The following LUZP2 variants were observed in gnomAD, a reference collection of about 807,000 sequenced individuals.
LUZP2 encodes leucine zipper protein 2.
Under a neutral mutation model 51.6 loss-of-function variants are expected in LUZP2, and 52 were observed. The ratio of observed to expected loss-of-function variants is 1.01; its 90% CI spans 0.81 to 1.27. The LOEUF (loss-of-function observed/expected upper bound fraction) is 1.27, where lower values mean the gene tolerates loss of function less well. LUZP2 is among the 50% of genes most tolerant of loss of function. The probability of loss-of-function intolerance (pLI) is 0.00; values close to 1 mark genes in which losing one functional copy is unlikely to be tolerated. For synonymous variants in LUZP2, 154 were observed against 137.3 expected (o/e 1.12, Z -0.85); for missense variants, 436 against 395.4 (o/e 1.10, Z -0.87).
intron 7 of LUZP2, among the ~76,000 whole-genome samples, chr11:24,921,401 C>A (rs1338971945): frequency 6.6e-6 from 1 of 152,000 alleles, no homozygotes; most frequent in Non-Finnish European, 1.5e-5. Flanking sequence ...TGAGGGTCGC[C>A]ATGATGTTCT....
chr11:24,582,120 A>C (rs1303146516), intron 1 of LUZP2, among the ~76,000 whole-genome samples: 1 of 152,178 alleles, frequency 6.6e-6, no homozygotes, highest in East Asian at 1.9e-4. Context: ...AGAATAAGCA[A>C]GTTCTGATTT....
intron 5 of LUZP2, among the ~76,000 whole-genome samples, chr11:24,857,646 A>T (rs1406180538): frequency 6.6e-6 from 1 of 151,786 alleles, no homozygotes; most frequent in East Asian, 1.9e-4. Flanking sequence ...TACCTGGTAC[A>T]GTGTGAACGC....
intron 1 of LUZP2, among the ~76,000 whole-genome samples, chr11:24,589,856 C>G (rs574802876): frequency 6.6e-6 from 1 of 152,032 alleles, no homozygotes; most frequent in Non-Finnish European, 1.5e-5. Flanking sequence ...TGATCCCAAA[C>G]GGAACATTTT....
At chr11:25,037,008 T>G (rs1055863588) in intron 9 of LUZP2, among the ~76,000 whole-genome samples, 2 of 152,134 alleles carry the variant, frequency 1.3e-5, no homozygotes, top group African/African-American at 4.8e-5. Flanking sequence ...AGAATCTCTT[T>G]TTTAGCTTTC....
chr11:24,809,084 G>A (rs1316860184), intron 5 of LUZP2, among the ~76,000 whole-genome samples: 4 of 152,042 alleles, frequency 2.6e-5, no homozygotes, highest in African/African-American at 4.8e-5. Flanking sequence ...AAGAACTTAT[G>A]ACATGGCTCG....
chr11:24,848,900 A>C (rs1851292971), intron 5 of LUZP2, among the ~76,000 whole-genome samples: 2 of 152,168 alleles, frequency 1.3e-5, no homozygotes, highest in African/African-American at 4.8e-5. Flanking sequence ...GCATAGGAGC[A>C]TACCTCAAAA....
chr11:24,657,712 T>G (rs988390128), intron 1 of LUZP2, among the ~76,000 whole-genome samples: 3 of 152,162 alleles, frequency 2.0e-5, no homozygotes, highest in African/African-American at 4.8e-5. Flanking sequence ...CTTAACCTGA[T>G]AGGTAACTTC....
chr11:24,781,281 A>T (rs148903038), intron 5 of LUZP2, among the ~76,000 whole-genome samples: 1 of 152,140 alleles, frequency 6.6e-6, no homozygotes, highest in East Asian at 1.9e-4. Flanking sequence ...CAGCTGAAAC[A>T]TTTCACCTTT....
At chr11:24,969,413 T>C (rs757456758) in intron 7 of LUZP2, among the ~76,000 whole-genome samples, 70 of 152,138 alleles carry the variant, frequency 4.6e-4, no homozygotes, top group Non-Finnish European at 9.3e-4. Context: ...AGGCATGGTT[T>C]GAATGAGTTT....
intron 5 of LUZP2, among the ~76,000 whole-genome samples, chr11:24,769,758 G>C (rs1225373027): frequency 6.6e-6 from 1 of 150,752 alleles, no homozygotes; most frequent in African/African-American, 2.5e-5. Flanking sequence ...TCAAGGTAAG[G>C]ATGAAATAGG....
At chr11:24,964,892 C>A (rs1855536443) in intron 7 of LUZP2, among the ~76,000 whole-genome samples, 1 of 151,636 alleles carries the variant, frequency 6.6e-6, no homozygotes, top group South Asian at 2.1e-4. Context: ...AAAGGAAATG[C>A]CTGATATTCA....
chr11:24,728,873 A>C (rs775978666), intron 1 of LUZP2, among the ~76,000 whole-genome samples: 5 of 151,980 alleles, frequency 3.3e-5, no homozygotes, highest in Non-Finnish European at 5.9e-5. Context: ...AGGCCTCCCA[A>C]TCATGGAAGA....
intron 9 of LUZP2, among the ~76,000 whole-genome samples, chr11:25,026,235 T>A (rs1857488335): frequency 6.6e-6 from 1 of 152,108 alleles, no homozygotes; most frequent in South Asian, 2.1e-4. Flanking sequence ...GGCACATGTA[T>A]ACATATGTAA....
intron 6 of LUZP2, 59 bp downstream of exon 6, chr11:24,906,112 T>C: frequency 7.6e-7 from 1 of 1,320,492 alleles, no homozygotes; most frequent in Non-Finnish European, 1.1e-6. Context: ...TATTGTCAGA[T>C]TTTTGTTCAA....
chr11:25,026,021 T>A (rs1857480505), intron 9 of LUZP2, among the ~76,000 whole-genome samples: 1 of 151,982 alleles, frequency 6.6e-6, no homozygotes, highest in South Asian at 2.1e-4. Context: ...AAGCCGTCAT[T>A]CTGACCAAAC....
chr11:24,730,626 A>T (rs893473064), intron 2 of LUZP2, among the ~76,000 whole-genome samples: 2 of 151,800 alleles, frequency 1.3e-5, no homozygotes, highest in Non-Finnish European at 2.9e-5. Flanking sequence ...GAATACAAAG[A>T]AACCTGTACC....
At chr11:24,671,789 A>C (rs1185821355) in intron 1 of LUZP2, among the ~76,000 whole-genome samples, 4 of 152,162 alleles carry the variant, frequency 2.6e-5, no homozygotes, top group African/African-American at 9.6e-5. Context: ...CTTCCAAAAC[A>C]GTATGGCCTT....
chr11:24,569,870 T>G lies in LUZP2; in HGVS notation c.62+72565T>G, dbSNP rs193203928. Among the ~76,000 whole-genome samples the G allele has an allele frequency of 2.5e-3, 304 of 122,484 alleles. 3 individuals carry two copies. Among genetic ancestry groups the G allele is most frequent in the South Asian group, 0.014 (58 of 4,164 alleles). The allele number at this position is 122,484 out of a possible 152,430, so 80.4% of individuals were successfully genotyped here. Reference sequence around the variant, plus strand: ...ACTTTTTTAAAAAAATTTAAAATATTTATAAGTAATTATGGCTTTGGAAGA... The same window carrying G: ...ACTTTTTTAAAAAAATTTAAAATATGTATAAGTAATTATGGCTTTGGAAGA... On this transcript the variant is annotated intron_variant, in intron 1 of 11. Transcript: ENST00000336930.
intron 5 of LUZP2, among the ~76,000 whole-genome samples, chr11:24,824,782 T>A (rs1298329106): frequency 3.9e-5 from 6 of 152,138 alleles, no homozygotes; most frequent in African/African-American, 1.4e-4. Context: ...GTTATGTGCT[T>A]TCAAAAATCT....
Sources: allele counts gnomAD v4.1 joint callset (sites outside exome capture counted in the v4.1 genomes callset), GRCh38; gene constraint gnomAD v4.1.1; transcripts MANE v1.5; gene names NCBI Gene and HGNC (gene_info 2026-07-23, HGNC 2026-07-21).